The following TMEM232 variants were observed in gnomAD, a reference collection of about 807,000 sequenced individuals.
TMEM232 encodes transmembrane protein 232.
A neutral mutation model predicts 78.8 loss-of-function variants in TMEM232; 80 were observed. The ratio of observed to expected loss-of-function variants is 1.01; its 90% CI spans 0.85 to 1.22. The LOEUF (loss-of-function observed/expected upper bound fraction) is 1.22. TMEM232 is among the 50% of genes most tolerant of loss of function. The pLI is 0.00. For synonymous variants in TMEM232, 297 were observed against 254.3 expected, an observed-to-expected ratio of 1.17 and a Z score of -1.60; for missense variants, 881 against 742.2, an observed-to-expected ratio of 1.19 and a Z score of -2.17.
At chr5:110,402,799 G>T (rs1399752043) in intron 2 of TMEM232, among the ~76,000 whole-genome samples, 1 of 152,020 alleles carries the variant, frequency 6.6e-6, no homozygotes, top group Non-Finnish European at 1.5e-5. Flanking sequence ...CCCTAGGGGA[G>T]GTCAGTGTAC....
intron 12 of TMEM232, among the ~76,000 whole-genome samples, chr5:110,506,736 T>C (rs1050415284): frequency 2.6e-5 from 4 of 152,276 alleles, no homozygotes; most frequent in South Asian, 2.1e-4. Context: ...TTTCTGATAA[T>C]TGGAAACCCA....
chr5:110,405,649 G>A (rs930123477), intron 2 of TMEM232, among the ~76,000 whole-genome samples: 1 of 150,456 alleles, frequency 6.6e-6, no homozygotes. Flanking sequence ...TTGTTGAATG[G>A]GTCTTCAAGT....
chr5:110,630,912 G>A (rs574721790), intron 5 of TMEM232, among the ~76,000 whole-genome samples: 32 of 152,146 alleles, frequency 2.1e-4, no homozygotes, highest in African/African-American at 6.5e-4. Flanking sequence ...TGACACTAAC[G>A]TGGACAGTGA....
intron 1 of TMEM232, among the ~76,000 whole-genome samples, chr5:110,690,032 C>T (rs938889784): frequency 3.5e-4 from 53 of 152,242 alleles, no homozygotes; most frequent in Non-Finnish European, 5.9e-4. Context: ...CCATAAAAAC[C>T]TTAGAAGAAA....
intron 12 of TMEM232, among the ~76,000 whole-genome samples, chr5:110,468,386 T>C (rs138556795): frequency 6.6e-6 from 1 of 152,188 alleles, no homozygotes; most frequent in Non-Finnish European, 1.5e-5. Context: ...ATTTTGAAAC[T>C]ATTTTAAACT....
intron 12 of TMEM232, among the ~76,000 whole-genome samples, chr5:110,427,750 A>C (rs1247894360): frequency 6.6e-6 from 1 of 150,910 alleles, no homozygotes. Context: ...TAGATACTTC[A>C]CTCCTGTCTG....
chr5:110,623,043 G>C (rs1218199613), intron 7 of TMEM232, among the ~76,000 whole-genome samples: 1 of 150,026 alleles, frequency 6.7e-6, no homozygotes. Flanking sequence ...AGCTTTGCTA[G>C]TGAGCAAAGG....
chr5:110,580,884 A>G (rs1315085652), intron 10 of TMEM232, among the ~76,000 whole-genome samples: 1 of 151,752 alleles, frequency 6.6e-6, no homozygotes, highest in African/African-American at 2.4e-5. Context: ...AGTGGATGAG[A>G]GCCAAATCAA....
chr5:110,487,535 G>A (rs1001418549), intron 12 of TMEM232, among the ~76,000 whole-genome samples: 22 of 152,012 alleles, frequency 1.4e-4, no homozygotes, highest in Admixed American at 1.3e-3. Context: ...ACTGGATTTT[G>A]TCGAATGCTT....
At chr5:110,458,201 C>T (rs1036572391) in intron 12 of TMEM232, among the ~76,000 whole-genome samples, 5 of 151,790 alleles carry the variant, frequency 3.3e-5, no homozygotes, top group Admixed American at 1.3e-4. Context: ...TCTTCCCTCT[C>T]TTCTCTACCC....
chr5:110,453,758 TAGTC>T (rs1385419653), intron 12 of TMEM232, among the ~76,000 whole-genome samples: 3 of 152,090 alleles, frequency 2.0e-5, no homozygotes, highest in African/African-American at 7.2e-5. Flanking sequence ...GTTGTCATCT[TAGTC>T]AGTCTGCTGA....
chr5:110,672,225 A>G (rs1239243004), intron 1 of TMEM232, among the ~76,000 whole-genome samples: 2 of 152,154 alleles, frequency 1.3e-5, no homozygotes, highest in Non-Finnish European at 2.9e-5. Context: ...TTAATCACTG[A>G]ACTTATTGTC....
At position 110,528,651 on chromosome 5, in the gene TMEM232, T is replaced by A. The variant is rs1197603996; in HGVS notation, c.1640A>T (p.Gln547Leu). 2 of 1,534,968 alleles carry A rather than the reference T, an allele frequency of 1.3e-6. No homozygotes were observed. The highest frequency in any genetic ancestry group is 2.0e-5 in the Admixed American group (1 of 50,920). The change falls in exon 12 of 14, where the codon CAA becomes CTA. Residue 547 changes from glutamine (Q) to leucine (L), a missense_variant. By Grantham distance (113) the Gln-to-Leu change is moderately radical. Coordinates refer to ENST00000455884, the MANE Select transcript of TMEM232 (RefSeq NM_001039763.4). ...PLKKPSIKKDQTKYPNKKLES... is the reference protein window; with the variant it reads ...PLKKPSIKKDLTKYPNKKLES... ...CAGCTTTTTATTTGGATATTTTGTT[T>A]GATCCTTTTTTATTGATGGTTTCTT... is the stretch of plus-strand genomic sequence containing the variant.
Position 110,438,492 on chromosome 5 carries a change from C to A in TMEM232, c.1704-13576G>T, listed in dbSNP as rs1361700353. ...TCATTAAGAAAATAGATTTGCCCTCCACTTAACATTGTTCATCTAATGTCA... is the reference window on the plus strand; with the variant it reads ...TCATTAAGAAAATAGATTTGCCCTCAACTTAACATTGTTCATCTAATGTCA... On this transcript the variant is annotated intron_variant, in intron 12 of 13. Transcript: ENST00000455884. Among the ~76,000 whole-genome samples, 5 of 151,860 alleles carry A rather than the reference C, an allele frequency of 3.3e-5. No individual in the cohort carries two copies. In the South Asian group the frequency reaches 1.0e-3, roughly 32 times the overall value.
At chr5:110,645,189 A>C (rs572924032) in intron 2 of TMEM232, among the ~76,000 whole-genome samples, 1 of 151,730 alleles carries the variant, frequency 6.6e-6, no homozygotes, top group East Asian at 1.9e-4. Flanking sequence ...AACTCTTGCA[A>C]AAAATACAAG....
chr5:110,441,948 T>C (rs534999662), intron 12 of TMEM232, among the ~76,000 whole-genome samples: 2 of 152,178 alleles, frequency 1.3e-5, no homozygotes, highest in South Asian at 4.1e-4. Context: ...GTCATGCCAC[T>C]CTCTCCTGGC....
intron 1 of TMEM232, among the ~76,000 whole-genome samples, chr5:110,694,774 C>T (rs902556854): frequency 6.6e-6 from 1 of 152,062 alleles, no homozygotes; most frequent in South Asian, 2.1e-4. Context: ...TATATGCACC[C>T]AATACAGGAG....
intron 12 of TMEM232, among the ~76,000 whole-genome samples, chr5:110,472,468 C>T (rs1350347986): frequency 6.6e-6 from 1 of 151,804 alleles, no homozygotes; most frequent in Non-Finnish European, 1.5e-5. Context: ...AGTCCATACT[C>T]CCAAAATTAT....
chr5:110,495,457 T>G (rs1580928899), intron 12 of TMEM232, among the ~76,000 whole-genome samples: 1 of 151,960 alleles, frequency 6.6e-6, no homozygotes, highest in Non-Finnish European at 1.5e-5. Context: ...AAAATAATGT[T>G]TCAGAGACGA....
Sources: gnomAD v4.1 joint callset for allele counts (sites outside exome capture counted in the v4.1 genomes callset) on GRCh38, gnomAD v4.1.1 for gene constraint, MANE v1.5 for transcripts, NCBI Gene and HGNC (gene_info 2026-07-23, HGNC 2026-07-21) for gene names.